Variants in CFAP210 observed in about 807,000 individuals in gnomAD.
The protein encoded by CFAP210 is cilia and flagella associated protein 210, also known as cilia- and flagella- associated protein 210.
the CFAP210 span, among the ~76,000 whole-genome samples, chr2:169,650,134 T>C: frequency 1.3e-5 from 2 of 152,316 alleles, no homozygotes; most frequent in African/African-American, 4.8e-5. Flanking sequence ...TCTATAAATA[T>C]CTTTTTTGTA....
the CFAP210 span, chr2:169,648,209 A>G: frequency 4.1e-6 from 1 of 244,248 alleles, no homozygotes; most frequent in South Asian, 4.6e-5. Flanking sequence ...CAAACAGAAA[A>G]GGACAAATAT....
At chr2:169,678,574 C>T in the CFAP210 span, among the ~76,000 whole-genome samples, 3 of 152,002 alleles carry the variant, frequency 2.0e-5, no homozygotes, top group East Asian at 1.9e-4. Context: ...CCTGTAATCC[C>T]GGCACTTTGG....
chr2:169,651,226 G>GGAA, the CFAP210 span, among the ~76,000 whole-genome samples: 3,402 of 102,028 alleles, frequency 0.033, 86 homozygotes, highest in East Asian at 0.11. Context: ...GACTCTGTCT[G>GGAA]AAAAAAAAAA....
chr2:169,679,532 T>G, the CFAP210 span, among the ~76,000 whole-genome samples: 1 of 152,044 alleles, frequency 6.6e-6, no homozygotes, highest in East Asian at 1.9e-4. Flanking sequence ...ATACAAAAAA[T>G]TAGCCAGGCA....
chr2:169,666,971 T>C, the CFAP210 span, among the ~76,000 whole-genome samples: 1 of 152,140 alleles, frequency 6.6e-6, no homozygotes, highest in Non-Finnish European at 1.5e-5. Flanking sequence ...ATCTTCAGGC[T>C]CCACTTCTAA....
the CFAP210 span, chr2:169,646,255 T>A: frequency 9.1e-7 from 1 of 1,099,598 alleles, no homozygotes; most frequent in Non-Finnish European, 1.3e-6. Context: ...ACATAGCATT[T>A]GAAAATGTAG....
the CFAP210 span, chr2:169,681,204 G>T: frequency 6.2e-7 from 1 of 1,613,104 alleles, no homozygotes; most frequent in Non-Finnish European, 8.5e-7. Context: ...GGCAGATAGA[G>T]AACTTGATCT....
chr2:169,649,224 A>T, the CFAP210 span: 2 of 1,613,452 alleles, frequency 1.2e-6, no homozygotes, highest in Non-Finnish European at 1.7e-6. Flanking sequence ...GATGTTCTTT[A>T]TCAGCTTTGC....
the CFAP210 span, among the ~76,000 whole-genome samples, chr2:169,679,702 A>AAAAAAAC: frequency 6.7e-6 from 1 of 149,700 alleles, no homozygotes. Context: ...AAAAAAAAAA[A>AAAAAAAC]AGGTGCCAGT....
the CFAP210 span, among the ~76,000 whole-genome samples, chr2:169,651,014 G>A: frequency 6.6e-6 from 1 of 151,352 alleles, no homozygotes; most frequent in East Asian, 2.0e-4. Flanking sequence ...ACATCACGAG[G>A]TCAGGAGTTC....
the CFAP210 span, chr2:169,694,405 C>T: frequency 2.8e-6 from 4 of 1,433,642 alleles, no homozygotes; most frequent in Non-Finnish European, 3.9e-6. Context: ...ACTCGTACCA[C>T]GCGGTTGCTT....
chr2:169,679,702 A>AAC, the CFAP210 span, among the ~76,000 whole-genome samples: 54 of 149,812 alleles, frequency 3.6e-4, 1 homozygote, highest in South Asian at 8.6e-4. Context: ...AAAAAAAAAA[A>AAC]AGGTGCCAGT....
chr2:169,667,159 A>G, the CFAP210 span, among the ~76,000 whole-genome samples: 1 of 108,302 alleles, frequency 9.2e-6, no homozygotes, highest in Non-Finnish European at 1.9e-5. Flanking sequence ...TTTTTTTTTG[A>G]TGGAGTTTCA....
the CFAP210 span, among the ~76,000 whole-genome samples, chr2:169,656,407 G>T: frequency 0.26 from 38,448 of 147,714 alleles, 5,190 homozygotes; most frequent in Non-Finnish European, 0.3. Flanking sequence ...GGAGGATGAA[G>T]TAGAGAAGGA....
chr2:169,678,062 T>C, the CFAP210 span, among the ~76,000 whole-genome samples: 1 of 152,126 alleles, frequency 6.6e-6, no homozygotes, highest in South Asian at 2.1e-4. Flanking sequence ...AGACTTAGGC[T>C]GGGCGCGGTG....
the CFAP210 span, chr2:169,674,639 TCTTCTTTAAA>T: frequency 6.2e-7 from 1 of 1,610,094 alleles, no homozygotes; most frequent in East Asian, 2.2e-5. Flanking sequence ...TTTTTCTTGT[TCTTCTTTAAA>T]AGCTTTTTCA....
the CFAP210 span, among the ~76,000 whole-genome samples, chr2:169,690,976 C>T: frequency 1.3e-5 from 2 of 152,156 alleles, no homozygotes; most frequent in Non-Finnish European, 2.9e-5. Context: ...ATTAATTCTT[C>T]AAATTTTTCT....
At chr2:169,692,839 T>C in the CFAP210 span, among the ~76,000 whole-genome samples, 1 of 152,234 alleles carries the variant, frequency 6.6e-6, no homozygotes, top group South Asian at 2.1e-4. Flanking sequence ...TTGTCCCCTC[T>C]ACCAGTTGCT....
chr2:169,656,215 A>G, the CFAP210 span, among the ~76,000 whole-genome samples: 1 of 152,154 alleles, frequency 6.6e-6, no homozygotes, highest in East Asian at 1.9e-4. Context: ...ACTTAAGCCC[A>G]GGAAGTCAAG....
Sources: allele counts gnomAD v4.1 joint callset (sites outside exome capture counted in the v4.1 genomes callset), GRCh38; gene constraint gnomAD v4.1.1; transcripts MANE v1.5; gene names NCBI Gene and HGNC (gene_info 2026-07-23, HGNC 2026-07-21).